RBFOX2: variants seen among roughly 807,000 people sequenced by gnomAD.
The protein encoded by RBFOX2 is RNA binding fox-1 homolog 2.
A neutral mutation model predicts 49.1 loss-of-function variants in RBFOX2; 10 were observed. That is an observed-to-expected ratio of 0.20 (90% CI 0.13 to 0.35). The LOEUF (loss-of-function observed/expected upper bound fraction) is 0.35, where lower values mean the gene tolerates loss of function less well. Ranked by LOEUF, RBFOX2 falls within the 10% of genes least tolerant of loss-of-function variation. The pLI, the probability that RBFOX2 is intolerant of heterozygous loss-of-function variation, is 1.00. For missense variants in RBFOX2, 323 were observed against 486.9 expected (o/e 0.66, Z 3.17); for synonymous variants, 183 against 187.4 (o/e 0.98, Z 0.19).
At chr22:35,989,736 T>C (rs2057888726) in intron 1 of RBFOX2, among the ~76,000 whole-genome samples, 1 of 152,082 alleles carries the variant, frequency 6.6e-6, no homozygotes, top group Non-Finnish European at 1.5e-5. Context: ...GGCACTCAAA[T>C]TTGGTGGCAC....
chr22:35,919,532 A>G (rs1328120327), intron 1 of RBFOX2, among the ~76,000 whole-genome samples: 1 of 147,954 alleles, frequency 6.8e-6, no homozygotes, highest in Non-Finnish European at 1.5e-5. Flanking sequence ...GACTGTCTCA[A>G]AAAAAAAAAA....
At chr22:35,853,770 A>G (rs1006776739) in intron 1 of RBFOX2, among the ~76,000 whole-genome samples, 7 of 151,496 alleles carry the variant, frequency 4.6e-5, no homozygotes, top group African/African-American at 1.5e-4. Context: ...TTCGCTTACT[A>G]ATTTAGAGAT....
intron 1 of RBFOX2, among the ~76,000 whole-genome samples, chr22:36,011,121 A>C (rs2058805917): frequency 6.6e-6 from 1 of 152,214 alleles, no homozygotes; most frequent in African/African-American, 2.4e-5. Context: ...TTCCATGTGC[A>C]ATGACTCATG....
chr22:35,816,295 C>G (rs1230339607), intron 1 of RBFOX2, among the ~76,000 whole-genome samples: 2 of 151,986 alleles, frequency 1.3e-5, no homozygotes, highest in African/African-American at 4.8e-5. Flanking sequence ...CTAAAGACAA[C>G]CAAGCTATTG....
At chr22:35,794,007 A>C (rs766776110) in intron 2 of RBFOX2, among the ~76,000 whole-genome samples, 9 of 152,214 alleles carry the variant, frequency 5.9e-5, no homozygotes, top group Non-Finnish European at 1.2e-4. Context: ...CAGGAGTAAG[A>C]ATTGTATAAA....
chr22:35,984,811 C>G (rs996125275), intron 1 of RBFOX2, among the ~76,000 whole-genome samples: 1 of 152,114 alleles, frequency 6.6e-6, no homozygotes, highest in Admixed American at 6.6e-5. Flanking sequence ...TCTGGAACAC[C>G]CTTACCCAGT....
chr22:35,881,011 T>C (rs2149285368), intron 1 of RBFOX2, among the ~76,000 whole-genome samples: 1 of 152,334 alleles, frequency 6.6e-6, no homozygotes, highest in African/African-American at 2.4e-5. Flanking sequence ...ACGCCTGTAA[T>C]CCCAGCACTT....
At chr22:36,020,995 C>T (rs2059224313) in intron 1 of RBFOX2, among the ~76,000 whole-genome samples, 3 of 151,944 alleles carry the variant, frequency 2.0e-5, no homozygotes, top group Admixed American at 2.0e-4. Context: ...TGGAACCAAC[C>T]CAAATGCCCA....
At chr22:35,963,059 CAAAAAAAAAAAAAAAAA>C (rs34027896), upstream of RBFOX2, among the ~76,000 whole-genome samples, 1 of 33,600 alleles carries the variant, frequency 3.0e-5, no homozygotes, top group East Asian at 9.9e-4. Flanking sequence ...AACTCTCCAG[CAAAAAAAAAAAAAAAAA>C]AAAAAAAAAA....
At position 35,789,614 on chromosome 22, in the gene RBFOX2, A is replaced by T. The variant is rs543712385; in HGVS notation, c.253-7868T>A. ...TCAAGTCAGCCAGATAAAGTTTTTCATTTTGTTGCCATGTTTTTAATTTCA... is the reference window on the plus strand; with the variant it reads ...TCAAGTCAGCCAGATAAAGTTTTTCTTTTTGTTGCCATGTTTTTAATTTCA... On this transcript the variant is annotated intron_variant, in intron 2 of 11. Transcript: ENST00000405409. Among the ~76,000 whole-genome samples, 35 of 152,110 alleles carry T rather than the reference A, an allele frequency of 2.3e-4. No individual in the cohort carries two copies. The South Asian group carries it at 7.1e-3, about 31-fold the overall frequency.
At chr22:35,803,392 A>G (rs1232442137) in intron 2 of RBFOX2, among the ~76,000 whole-genome samples, 1 of 152,202 alleles carries the variant, frequency 6.6e-6, no homozygotes, top group African/African-American at 2.4e-5. Flanking sequence ...TTTTAAAATT[A>G]AGGCTGGGCA....
chr22:36,028,250 C>T, exon 1 of RBFOX2: 1 of 1,528,970 alleles, frequency 6.5e-7, no homozygotes, highest in South Asian at 1.2e-5. Context: ...CTGCATCCCG[C>T]CGCCACCGTC....
rs1027316455 is a variant in RBFOX2, at chr22:36,014,020, G to A, written c.186+14220C>T. 4.6e-5 allele frequency among the ~76,000 whole-genome samples: 7 copies of A among 151,710 alleles called. No homozygotes were observed. In the East Asian group the frequency reaches 1.4e-3, roughly 29 times the overall value. On this transcript the variant is annotated intron_variant, in intron 1 of 13. Transcript: ENST00000438146. ...CGTCTGCTTATGAAAAGTGTAGTGTGATAGGTTTTTTTTTTAATGTGTTTA... is the reference window on the plus strand; with the variant it reads ...CGTCTGCTTATGAAAAGTGTAGTGTAATAGGTTTTTTTTTTAATGTGTTTA...
At chr22:35,898,419 C>CTTTT (rs749708583) in intron 1 of RBFOX2, 545 of 277,466 alleles carry the variant, frequency 2.0e-3, no homozygotes, top group South Asian at 4.4e-3. Flanking sequence ...TCCCACAATC[C>CTTTT]TTTTTTTTTT....
chr22:35,930,437 T>C (rs1383643754), intron 1 of RBFOX2, among the ~76,000 whole-genome samples: 1 of 152,122 alleles, frequency 6.6e-6, no homozygotes, highest in East Asian at 1.9e-4. Flanking sequence ...TGTTTGGATA[T>C]AAAATAAATA....
At chr22:35,802,890 T>G (rs1197364008) in intron 2 of RBFOX2, among the ~76,000 whole-genome samples, 1 of 152,062 alleles carries the variant, frequency 6.6e-6, no homozygotes, top group East Asian at 1.9e-4. Context: ...AAGGCAGGCT[T>G]AAGAACTGGC....
intron 2 of RBFOX2, among the ~76,000 whole-genome samples, chr22:35,805,498 C>T (rs1299899596): frequency 6.6e-6 from 1 of 151,992 alleles, no homozygotes; most frequent in African/African-American, 2.4e-5. Flanking sequence ...GGATGTGGAG[C>T]AGCAGGAACT....
chr22:35,794,030 A>G (rs1948290143), intron 2 of RBFOX2, among the ~76,000 whole-genome samples: 1 of 152,222 alleles, frequency 6.6e-6, no homozygotes, highest in African/African-American at 2.4e-5. Context: ...TATATGTAAC[A>G]TATAAATAGT....
chr22:35,770,973 T>C (rs1942510025), intron 4 of RBFOX2, among the ~76,000 whole-genome samples: 1 of 152,004 alleles, frequency 6.6e-6, no homozygotes, highest in African/African-American at 2.4e-5. Flanking sequence ...TTCCCTGGGG[T>C]GATAGGAGGA....
Sources: allele counts gnomAD v4.1 joint callset (sites outside exome capture counted in the v4.1 genomes callset), GRCh38; gene constraint gnomAD v4.1.1; transcripts MANE v1.5; gene names NCBI Gene and HGNC (gene_info 2026-07-23, HGNC 2026-07-21).